The following ME1 variants were observed in gnomAD, a reference collection of about 807,000 sequenced individuals.
ME1 encodes the protein malic enzyme 1, also known as NADP-dependent malic enzyme.
ME1 carries 74 observed loss-of-function variants against 66.4 expected under a neutral mutation model. That is an observed-to-expected ratio of 1.11 (90% CI 0.92 to 1.35). The LOEUF is 1.35. ME1 is among the 40% of genes most tolerant of loss of function. The pLI, the probability that ME1 is intolerant of heterozygous loss-of-function variation, is 0.00. For missense variants in ME1, 750 were observed against 694.1 expected (o/e 1.08, Z -0.90); for synonymous variants, 251 against 235.6 (o/e 1.07, Z -0.60).
intron 7 of ME1, among the ~76,000 whole-genome samples, chr6:83,243,840 A>G (rs1446922705): frequency 7.6e-6 from 1 of 132,130 alleles, no homozygotes; most frequent in African/African-American, 2.9e-5. Flanking sequence ...TATATAATAT[A>G]AATTATATAT....
intron 3 of ME1, among the ~76,000 whole-genome samples, chr6:83,358,751 C>T (rs1177730381): frequency 6.6e-6 from 1 of 152,154 alleles, no homozygotes; most frequent in Non-Finnish European, 1.5e-5. Flanking sequence ...TGGCAACATC[C>T]CCTCCTGGAC....
chr6:83,334,012 C>T (rs1388255587), intron 5 of ME1, among the ~76,000 whole-genome samples: 1 of 151,922 alleles, frequency 6.6e-6, no homozygotes, highest in African/African-American at 2.4e-5. Context: ...CCAGCGTGAG[C>T]GACGCAGAAG....
intron 8 of ME1, among the ~76,000 whole-genome samples, chr6:83,238,421 A>G (rs772431638): frequency 2.0e-5 from 3 of 152,148 alleles, no homozygotes; most frequent in Non-Finnish European, 2.9e-5. Context: ...GCTAGTTTTG[A>G]ATCATCCAAC....
chr6:83,248,639 G>A (rs1212507254), intron 7 of ME1, among the ~76,000 whole-genome samples: 2 of 152,154 alleles, frequency 1.3e-5, no homozygotes, highest in Non-Finnish European at 2.9e-5. Flanking sequence ...GTGATAGTGA[G>A]TGAGTTCTCA....
At position 83,380,273 on chromosome 6, in the gene ME1, A is replaced by G. The variant is rs114500025; in HGVS notation, c.362+18094T>C. Among the ~76,000 whole-genome samples, 882 of 152,204 alleles carry G rather than the reference A, an allele frequency of 5.8e-3. 8 individuals are homozygous for G. The highest frequency in any genetic ancestry group is 0.02 in the African/African-American group (843 of 41,542). On this transcript the variant is annotated intron_variant, in intron 3 of 13. Transcript: ENST00000369705. ...GGGACATGAGTGGGAGGAATAGGAAAGAGATGACAGAGAAGCAGGCAAAGA... is the reference window on the plus strand; with the variant it reads ...GGGACATGAGTGGGAGGAATAGGAAGGAGATGACAGAGAAGCAGGCAAAGA...
chr6:83,320,051 T>C (rs559976001), intron 5 of ME1, among the ~76,000 whole-genome samples: 1 of 152,300 alleles, frequency 6.6e-6, no homozygotes, highest in Admixed American at 6.5e-5. Context: ...TTTGAAATCC[T>C]AGGATGGTGA....
chr6:83,411,668 A>G (rs1770050920), intron 1 of ME1, among the ~76,000 whole-genome samples: 1 of 152,216 alleles, frequency 6.6e-6, no homozygotes, highest in South Asian at 2.1e-4. Context: ...ACAAAGGATA[A>G]TTAACCCAAA....
intron 6 of ME1, among the ~76,000 whole-genome samples, chr6:83,303,875 C>T (rs1032827113): frequency 6.6e-6 from 1 of 151,998 alleles, no homozygotes; most frequent in Non-Finnish European, 1.5e-5. Context: ...GAATAACAAC[C>T]TCTGAGTAAT....
At chr6:83,356,697 T>C (rs566365928) in intron 3 of ME1, among the ~76,000 whole-genome samples, 1 of 152,168 alleles carries the variant, frequency 6.6e-6, no homozygotes, top group Non-Finnish European at 1.5e-5. Flanking sequence ...ATATGATCAT[T>C]AAGTGCAGTA....
chr6:83,423,046 C>T (rs1347655371), intron 1 of ME1, among the ~76,000 whole-genome samples: 1 of 151,962 alleles, frequency 6.6e-6, no homozygotes, highest in Non-Finnish European at 1.5e-5. Context: ...AACCTCCAAA[C>T]CCAGAAACAT....
intron 3 of ME1, among the ~76,000 whole-genome samples, chr6:83,377,976 A>G (rs1190873417): frequency 1.3e-5 from 2 of 152,190 alleles, no homozygotes; most frequent in Non-Finnish European, 1.5e-5. Context: ...GGAACCACAG[A>G]GATCCAGAAG....
chr6:83,378,081 A>C (rs1472729249), intron 3 of ME1, among the ~76,000 whole-genome samples: 1 of 152,028 alleles, frequency 6.6e-6, no homozygotes, highest in African/African-American at 2.4e-5. Flanking sequence ...AGTGGGTCAG[A>C]TTATTTTTTT....
At chr6:83,323,215 G>C (rs992059662) in intron 5 of ME1, among the ~76,000 whole-genome samples, 2 of 152,126 alleles carry the variant, frequency 1.3e-5, no homozygotes, top group African/African-American at 4.8e-5. Flanking sequence ...AAAATGTAAA[G>C]ACCATTGACA....
At chr6:83,342,141 T>C (rs934672557) in intron 5 of ME1, among the ~76,000 whole-genome samples, 3 of 152,138 alleles carry the variant, frequency 2.0e-5, no homozygotes, top group Non-Finnish European at 4.4e-5. Flanking sequence ...GGCCACCACT[T>C]CATTTAAATG....
intron 9 of ME1, among the ~76,000 whole-genome samples, chr6:83,229,441 G>T (rs958111077): frequency 6.6e-6 from 1 of 152,080 alleles, no homozygotes; most frequent in East Asian, 1.9e-4. Context: ...GATTATGAAT[G>T]CGCCATGTGT....
intron 3 of ME1, among the ~76,000 whole-genome samples, chr6:83,383,175 T>A (rs1301617915): frequency 6.6e-6 from 1 of 151,792 alleles, no homozygotes; most frequent in Non-Finnish European, 1.5e-5. Context: ...TACTATTGGT[T>A]TTTTTTCTCT....
At chr6:83,373,830 A>G (rs187420680) in intron 3 of ME1, among the ~76,000 whole-genome samples, 13 of 151,502 alleles carry the variant, frequency 8.6e-5, no homozygotes, top group Admixed American at 8.6e-4. Flanking sequence ...TCATTGTTCA[A>G]CTCCTACTTA....
rs1247734336 is a variant in ME1 at position 83,210,824 on chromosome 6, TG to T, written c.*1099del. On this transcript the variant is annotated 3_prime_UTR_variant, in exon 14 of 14. Transcript: ENST00000369705. ...GTTTCTAAAGTAAATTAATACAGTCTGGGCATATAACTACTCTTTCTCATAG... is the reference window on the plus strand; with the variant it reads ...GTTTCTAAAGTAAATTAATACAGTCTGGCATATAACTACTCTTTCTCATAG... 4 of 152,206 alleles carry T rather than the reference TG, an allele frequency of 2.6e-5. No homozygotes were observed. Among genetic ancestry groups the T allele is most frequent in the African/African-American group, 9.7e-5 (4 of 41,450 alleles). The allele number at this position is 152,206 out of a possible 1,614,324, so 9.4% of individuals were successfully genotyped here. A position where few individuals can be genotyped will look rare whatever the true frequency, so the allele number is the denominator to read the frequency against.
intron 13 of ME1, among the ~76,000 whole-genome samples, chr6:83,213,964 C>T (rs1330956920): frequency 6.6e-6 from 1 of 152,074 alleles, no homozygotes; most frequent in Non-Finnish European, 1.5e-5. Context: ...TTCCTTTTCT[C>T]TATTTGTTTT....
Sources: gnomAD v4.1 joint callset for allele counts (sites outside exome capture counted in the v4.1 genomes callset) on GRCh38, gnomAD v4.1.1 for gene constraint, MANE v1.5 for transcripts, NCBI Gene and HGNC (gene_info 2026-07-23, HGNC 2026-07-21) for gene names.